The following PARP15 variants were observed in gnomAD, a reference collection of about 807,000 sequenced individuals.
PARP15 encodes protein mono-ADP-ribosyltransferase PARP15.
In PARP15, 50 loss-of-function variants were observed where a neutral mutation model predicts 62.1. The observed-to-expected ratio is 0.81, with a 90% CI of 0.64 to 1.02. The LOEUF (loss-of-function observed/expected upper bound fraction) is 1.02. Among genes scored for constraint, PARP15 ranks in the 50% least tolerant of loss-of-function variants. The pLI is 0.00. For missense variants in PARP15, 820 were observed against 826.5 expected, an observed-to-expected ratio of 0.99 and a Z score of 0.10; for synonymous variants, 309 against 293.1, an observed-to-expected ratio of 1.05 and a Z score of -0.55.
At chr3:122,603,678 C>T (rs759091651) in intron 1 of PARP15, among the ~76,000 whole-genome samples, 4 of 152,150 alleles carry the variant, frequency 2.6e-5, no homozygotes, top group African/African-American at 4.8e-5. Context: ...CTAGTCTTCA[C>T]ATCAATGCTT....
intron 1 of PARP15, among the ~76,000 whole-genome samples, chr3:122,586,300 G>A (rs540928480): frequency 2.0e-5 from 3 of 152,072 alleles, no homozygotes; most frequent in Non-Finnish European, 4.4e-5. Flanking sequence ...TGGAACTCCT[G>A]TGTTCAAGTG....
At chr3:122,585,637 A>T (rs575161311) in intron 1 of PARP15, among the ~76,000 whole-genome samples, 41 of 152,336 alleles carry the variant, frequency 2.7e-4, no homozygotes, top group African/African-American at 9.1e-4. Flanking sequence ...GGCAACTGAA[A>T]AACAACTTAC....
Position 122,635,835 on chromosome 3 carries a change from A to G in PARP15, c.1772A>G (p.Tyr591Cys), listed in dbSNP as rs777912404. ...GCTGTATCCTATGGAAAAGGAACCT[A>G]TTTTGCTGTGGATGCCAGTTATTCT... ...KNAVSYGKGT[Y>C]FAVDASYSAK... The change falls in exon 12 of 12, where the codon TAT becomes TGT. Residue 591 changes from tyrosine to cysteine, a missense_variant. Tyr to Cys is a radical substitution (Grantham distance 194). Coordinates refer to ENST00000464300, the MANE Select transcript of PARP15 (RefSeq NM_001113523.3). 6.8e-6 allele frequency: 11 copies of G among 1,613,830 alleles called. No individual in the cohort carries two copies. The Admixed American group carries it at 8.3e-5, about 12-fold the overall frequency.
At chr3:122,613,921 A>G (rs976341420) in intron 4 of PARP15, among the ~76,000 whole-genome samples, 4 of 150,146 alleles carry the variant, frequency 2.7e-5, no homozygotes, top group African/African-American at 7.4e-5. Flanking sequence ...TCTCAGCTCA[A>G]TGCAGCCTCC....
intron 8 of PARP15, among the ~76,000 whole-genome samples, chr3:122,624,687 C>T (rs1004839945): frequency 3.3e-5 from 5 of 152,160 alleles, no homozygotes; most frequent in African/African-American, 4.8e-5. Flanking sequence ...TCTCATACTT[C>T]CCCTTGCACT....
chr3:122,578,929 A>G (rs2080741361), intron 1 of PARP15, among the ~76,000 whole-genome samples: 3 of 152,214 alleles, frequency 2.0e-5, no homozygotes, highest in Non-Finnish European at 4.4e-5. Flanking sequence ...CTTTTCAACA[A>G]TTGTAGATAC....
In PARP15 at chr3:122,577,811, T is replaced by C. The variant is rs752282394; in HGVS notation, c.144T>C (p.Arg48=). Residue 48 remains arginine, a synonymous_variant, in exon 1 of 12, where the codon CGT becomes CGC. Coordinates refer to ENST00000464300, the MANE Select transcript of PARP15 (RefSeq NM_001113523.3). ...EAGSVLPAGN[R]GARKASRRSS... is the part of the protein sequence containing the mutation. ...GGAGCGTGCTGCCGGCCGGGAACCGTGGGGCGCGGAAGGCCTCCCGGCGCT... is the reference window on the plus strand; with the variant it reads ...GGAGCGTGCTGCCGGCCGGGAACCGCGGGGCGCGGAAGGCCTCCCGGCGCT... 1.3e-6 allele frequency: 2 copies of C among 1,549,826 alleles called. No individual in the cohort carries two copies. Among genetic ancestry groups the C allele is most frequent in the African/African-American group, 2.8e-5 (2 of 72,672 alleles).
chr3:122,577,888 C>A, intron 1 of PARP15, 35 bp downstream of exon 1: 1 of 1,505,450 alleles, frequency 6.6e-7, no homozygotes, highest in Non-Finnish European at 8.9e-7. Flanking sequence ...GGGAAGGGGA[C>A]AGCAGGGCTG....
intron 4 of PARP15, chr3:122,615,268 T>C (rs1935878952): frequency 7.8e-7 from 1 of 1,288,086 alleles, no homozygotes; most frequent in South Asian, 1.2e-5. Context: ...TAACGTGGAT[T>C]TTCGTGTTTT....
In PARP15 at chr3:122,610,682, C is replaced by G. The variant is rs1280986545; in HGVS notation, c.495C>G (p.Leu165=). The change falls in exon 3 of 12, where the codon CTC becomes CTG. Residue 165 remains leucine (L), a synonymous_variant. Coordinates refer to ENST00000464300, the MANE Select transcript of PARP15 (RefSeq NM_001113523.3). ...SGCNLDCKAV[L]HAVAPYWNNG... ...GCAATCTGGACTGCAAAGCTGTGCT[C>G]CATGCTGTGGCTCCATACTGGAATA... The G allele has an allele frequency of 4.5e-6, 7 of 1,547,428 alleles. No individual in the cohort carries two copies. Among genetic ancestry groups the G allele is most frequent in the Non-Finnish European group, 6.1e-6 (7 of 1,144,750 alleles).
At chr3:122,601,247 C>T (rs572204596) in intron 1 of PARP15, among the ~76,000 whole-genome samples, 15 of 151,998 alleles carry the variant, frequency 9.9e-5, no homozygotes, top group Non-Finnish European at 1.5e-4. Flanking sequence ...TGGTCTCAAA[C>T]GCCTGACCTC....
At chr3:122,616,524 G>T (rs1935984686) in intron 5 of PARP15, among the ~76,000 whole-genome samples, 1 of 151,850 alleles carries the variant, frequency 6.6e-6, no homozygotes, top group Non-Finnish European at 1.5e-5. Context: ...TAAACACACG[G>T]TTTCACCATG....
chr3:122,607,529 C>T (rs1559954895), intron 2 of PARP15, among the ~76,000 whole-genome samples: 1 of 151,986 alleles, frequency 6.6e-6, no homozygotes, highest in Non-Finnish European at 1.5e-5. Context: ...AATAAGGACT[C>T]AAAAAAATGA....
At chr3:122,615,177 G>T in intron 4 of PARP15, 1 of 1,228,028 alleles carries the variant, frequency 8.1e-7, no homozygotes, top group Non-Finnish European at 1.0e-6. Context: ...GTCGCCCATT[G>T]CTCAATTTTA....
intron 8 of PARP15, among the ~76,000 whole-genome samples, chr3:122,626,462 T>G (rs1373539292): frequency 6.6e-6 from 1 of 152,126 alleles, no homozygotes; most frequent in Non-Finnish European, 1.5e-5. Context: ...CCTCTCAAAG[T>G]GCTGGAATTA....
intron 8 of PARP15, 36 bp downstream of exon 8, chr3:122,621,647 G>A (rs1576535241): frequency 6.5e-7 from 1 of 1,536,214 alleles, no homozygotes; most frequent in Non-Finnish European, 8.8e-7. Context: ...AAATTTGAGT[G>A]ATACAAATTC....
intron 1 of PARP15, among the ~76,000 whole-genome samples, chr3:122,586,408 C>CTGTGT (rs1933435151): frequency 6.6e-6 from 1 of 151,894 alleles, no homozygotes; most frequent in Non-Finnish European, 1.5e-5. Context: ...TGAAGACTTG[C>CTGTGT]TGTGTTGCCT....
At chr3:122,580,003 A>ATATGTATATATATATATATATATG (rs1186850532) in intron 1 of PARP15, among the ~76,000 whole-genome samples, 2 of 94,242 alleles carry the variant, frequency 2.1e-5, no homozygotes, top group African/African-American at 3.8e-5. Flanking sequence ...CTATATGTAT[A>ATATGTATATATATATATATATATG]TATATATATA....
chr3:122,581,761 T>G (rs1932963445), intron 1 of PARP15, among the ~76,000 whole-genome samples: 1 of 152,236 alleles, frequency 6.6e-6, no homozygotes, highest in South Asian at 2.1e-4. Flanking sequence ...ATTTGTTTAT[T>G]CTTACTTTTA....
Sources: allele counts gnomAD v4.1 joint callset (sites outside exome capture counted in the v4.1 genomes callset), GRCh38; gene constraint gnomAD v4.1.1; transcripts MANE v1.5; gene names NCBI Gene and HGNC (gene_info 2026-07-23, HGNC 2026-07-21).